Variants in MSRA observed in about 807,000 individuals in gnomAD.
MSRA encodes mitochondrial peptide methionine sulfoxide reductase.
MSRA carries 54 observed loss-of-function variants against 31.3 expected under a neutral mutation model. The observed-to-expected ratio is 1.73, with a 90% CI of 1.39 to 2.17. The LOEUF is 2.17. MSRA is among the 30% of genes most tolerant of loss of function. The pLI, the probability that MSRA is intolerant of heterozygous loss-of-function variation, is 0.00. For missense variants in MSRA, 507 were observed against 300.9 expected (o/e 1.69, Z -5.07); for synonymous variants, 169 against 116.5 (o/e 1.45, Z -2.90).
chr8:10,054,687 G>C (rs762148074), intron 1 of MSRA, 29 bp downstream of exon 1: 2 of 1,487,122 alleles, frequency 1.3e-6, no homozygotes, highest in Admixed American at 4.3e-5. Context: ...GAAGGCGCGG[G>C]CGGCGACGCT....
chr8:10,238,078 A>G (rs1342951711), intron 2 of MSRA, among the ~76,000 whole-genome samples: 1 of 152,182 alleles, frequency 6.6e-6, no homozygotes, highest in Non-Finnish European at 1.5e-5. Context: ...TATCTGGCTT[A>G]TCTGATCTTT....
At chr8:10,157,491 G>A (rs1407245445) in intron 1 of MSRA, among the ~76,000 whole-genome samples, 1 of 152,150 alleles carries the variant, frequency 6.6e-6, no homozygotes, top group Admixed American at 6.6e-5. Flanking sequence ...AAGTTCTGGG[G>A]GTGGAGGTGC....
chr8:10,197,502 G>A (rs1003444152), intron 1 of MSRA, among the ~76,000 whole-genome samples: 12 of 152,092 alleles, frequency 7.9e-5, no homozygotes, highest in Non-Finnish European at 1.8e-4. Context: ...CGGGCATTGC[G>A]GGCTGGTGAA....
chr8:10,170,767 A>G (rs76273621), intron 1 of MSRA, among the ~76,000 whole-genome samples: 3 of 152,338 alleles, frequency 2.0e-5, no homozygotes, highest in Non-Finnish European at 4.4e-5. Context: ...AACCCCTTGC[A>G]GGAACTGAGG....
At chr8:10,316,576 T>TCTCTC (rs1801739721) in intron 4 of MSRA, among the ~76,000 whole-genome samples, 1 of 102,706 alleles carries the variant, frequency 9.7e-6, no homozygotes, top group Non-Finnish European at 2.1e-5. Flanking sequence ...CTCTCTCTCC[T>TCTCTC]TCCTCCTCCT....
intron 1 of MSRA, among the ~76,000 whole-genome samples, chr8:10,196,922 C>T (rs1340543175): frequency 6.6e-6 from 1 of 152,034 alleles, no homozygotes; most frequent in Admixed American, 6.6e-5. Context: ...GTATATGACT[C>T]TTTATAGATA....
chr8:10,342,275 A>G (rs760545764), intron 5 of MSRA, among the ~76,000 whole-genome samples: 12 of 152,124 alleles, frequency 7.9e-5, no homozygotes, highest in Non-Finnish European at 1.2e-4. Context: ...GAGGACCCCA[A>G]TGAGCTTTTG....
chr8:10,099,061 C>T (rs1563436842), intron 1 of MSRA, among the ~76,000 whole-genome samples: 3 of 152,094 alleles, frequency 2.0e-5, no homozygotes, highest in Admixed American at 1.3e-4. Flanking sequence ...ATGGACCTAT[C>T]AGTTCACTTT....
At chr8:10,093,529 G>T (rs187873816) in intron 1 of MSRA, among the ~76,000 whole-genome samples, 1 of 151,910 alleles carries the variant, frequency 6.6e-6, no homozygotes, top group African/African-American at 2.4e-5. Context: ...TTCAACATAG[G>T]TTTATAACAA....
At chr8:10,264,494 TA>T (rs1418848553) in intron 3 of MSRA, among the ~76,000 whole-genome samples, 1 of 152,244 alleles carries the variant, frequency 6.6e-6, no homozygotes, top group Non-Finnish European at 1.5e-5. Flanking sequence ...TCAACTTGTT[TA>T]TCAGAACGAT....
At chr8:10,178,043 A>G (rs1429344669) in intron 1 of MSRA, among the ~76,000 whole-genome samples, 2 of 152,182 alleles carry the variant, frequency 1.3e-5, no homozygotes, top group African/African-American at 4.8e-5. Flanking sequence ...TCCAGGACAA[A>G]TATTTTACAT....
At chr8:10,189,616 C>T (rs1807344609) in intron 1 of MSRA, among the ~76,000 whole-genome samples, 1 of 151,872 alleles carries the variant, frequency 6.6e-6, no homozygotes, top group African/African-American at 2.4e-5. Context: ...TCTTTTTTAG[C>T]CAGTTAATAT....
At chr8:10,327,846 T>C (rs1364365696) in intron 5 of MSRA, among the ~76,000 whole-genome samples, 1 of 151,970 alleles carries the variant, frequency 6.6e-6, no homozygotes, top group African/African-American at 2.4e-5. Context: ...GGCAGGAGAA[T>C]GGCGTGAACC....
chr8:10,215,869 A>G (rs1809944130), intron 2 of MSRA, among the ~76,000 whole-genome samples: 1 of 152,254 alleles, frequency 6.6e-6, no homozygotes, highest in Non-Finnish European at 1.5e-5. Context: ...TGACAACGAG[A>G]AAGATTTATT....
intron 1 of MSRA, among the ~76,000 whole-genome samples, chr8:10,072,094 A>G (rs1280138183): frequency 6.6e-6 from 1 of 150,730 alleles, no homozygotes; most frequent in Non-Finnish European, 1.5e-5. Flanking sequence ...CAGGTTGGCC[A>G]GGTGCCATGT....
In MSRA at chr8:10,154,787, T is replaced by A. The variant is rs538807815; in HGVS notation, c.143-53046T>A. ...ATAAAATATATCAATTGTATGAAGATCATTTAAAGAAAATCACATGTATAT... is the reference window on the plus strand; with the variant it reads ...ATAAAATATATCAATTGTATGAAGAACATTTAAAGAAAATCACATGTATAT... On this transcript the variant is annotated intron_variant, in intron 1 of 5. Transcript: ENST00000317173. 2.0e-5 allele frequency among the ~76,000 whole-genome samples: 3 copies of A among 152,266 alleles called. No individual in the cohort carries two copies. The South Asian group carries it at 6.2e-4, about 32-fold the overall frequency.
At chr8:10,098,522 T>C (rs962715038) in intron 1 of MSRA, among the ~76,000 whole-genome samples, 1 of 152,146 alleles carries the variant, frequency 6.6e-6, no homozygotes, top group Admixed American at 6.6e-5. Context: ...TAAAGTTATT[T>C]TGGGTAACGG....
chr8:10,092,533 C>T (rs1340213778), intron 1 of MSRA, among the ~76,000 whole-genome samples: 2 of 152,110 alleles, frequency 1.3e-5, no homozygotes, highest in African/African-American at 2.4e-5. Flanking sequence ...TGGCGCACGC[C>T]TTTAGTCCCA....
At chr8:10,329,462 A>T (rs903963773) in intron 5 of MSRA, among the ~76,000 whole-genome samples, 1 of 152,206 alleles carries the variant, frequency 6.6e-6, no homozygotes, top group Non-Finnish European at 1.5e-5. Context: ...AAGGACACTG[A>T]CAGTTGCATT....
Sources: gnomAD v4.1 joint callset for allele counts (sites outside exome capture counted in the v4.1 genomes callset) on GRCh38, gnomAD v4.1.1 for gene constraint, MANE v1.5 for transcripts, NCBI Gene and HGNC (gene_info 2026-07-23, HGNC 2026-07-21) for gene names.